The following KDM2B variants were observed in gnomAD, a reference collection of about 807,000 sequenced individuals.
KDM2B encodes the protein lysine demethylase 2B.
KDM2B carries 26 observed loss-of-function variants against 150.0 expected under a neutral mutation model. The ratio of observed to expected loss-of-function variants is 0.17; its 90% CI spans 0.13 to 0.24. KDM2B has a LOEUF of 0.24. Ranked by LOEUF, KDM2B falls within the 10% of genes least tolerant of loss-of-function variation. The pLI is 1.00. For synonymous variants in KDM2B, 734 were observed against 729.5 expected (o/e 1.01, Z -0.10); for missense variants, 1,265 against 1,816.9 (o/e 0.70, Z 5.52).
chr12:121,478,428 C>T (rs541957830), intron 12 of KDM2B, among the ~76,000 whole-genome samples: 3 of 149,368 alleles, frequency 2.0e-5, no homozygotes, highest in Non-Finnish European at 4.4e-5. Context: ...GGCGTGATCT[C>T]GGCTCACTGC....
intron 6 of KDM2B, chr12:121,536,283 T>C (rs1555308701): frequency 6.2e-6 from 1 of 160,418 alleles, no homozygotes; most frequent in East Asian, 1.9e-4. Context: ...GGAAGGAGCC[T>C]TAACCATGTG....
intron 11 of KDM2B, among the ~76,000 whole-genome samples, chr12:121,504,723 G>A (rs1158266308): frequency 2.6e-5 from 4 of 152,122 alleles, no homozygotes; most frequent in South Asian, 2.1e-4. Context: ...ATTGTTGGCC[G>A]GGGCGGTGGC....
chr12:121,546,015 T>G (rs1343561166), intron 6 of KDM2B, among the ~76,000 whole-genome samples: 2 of 152,158 alleles, frequency 1.3e-5, no homozygotes, highest in African/African-American at 4.8e-5. Flanking sequence ...CCACCTTGAC[T>G]GGGCGAATCT....
intron 21 of KDM2B, 73 bp downstream of exon 21, chr12:121,440,743 G>A (rs536624829): frequency 5.0e-6 from 7 of 1,388,552 alleles, no homozygotes; most frequent in Non-Finnish European, 6.9e-6. Flanking sequence ...GCTGGGGTCT[G>A]AGGGTAAAAG....
intron 4 of KDM2B, among the ~76,000 whole-genome samples, chr12:121,555,965 C>T (rs1220834680): frequency 6.6e-6 from 1 of 151,244 alleles, no homozygotes; most frequent in South Asian, 2.1e-4. Flanking sequence ...CTCACTCTCT[C>T]ACCTACACTG....
intron 8 of KDM2B, 63 bp downstream of exon 8, chr12:121,532,743 C>G (rs1428646617): frequency 1.9e-6 from 3 of 1,578,720 alleles, no homozygotes; most frequent in Non-Finnish European, 2.6e-6. Flanking sequence ...CTCAGGGGGC[C>G]TAAAACCCTG....
At chr12:121,538,190 G>A (rs1888317802) in intron 6 of KDM2B, among the ~76,000 whole-genome samples, 1 of 152,060 alleles carries the variant, frequency 6.6e-6, no homozygotes, top group Non-Finnish European at 1.5e-5. Flanking sequence ...CGGGGCGACC[G>A]GGAAGCAACG....
Position 121,442,868 on chromosome 12 carries a change from T to C in KDM2B, c.2605-32A>G, listed in dbSNP as rs369594854. 1.8e-5 allele frequency: 27 copies of C among 1,524,400 alleles called. No individual in the cohort carries two copies. Among genetic ancestry groups the C allele is most frequent in the Non-Finnish European group, 2.2e-5 (25 of 1,141,054 alleles). The allele number at this position is 1,524,400 out of a possible 1,614,324, so 94.4% of individuals were successfully genotyped here. ...GCGAGAGCGGAGACGCGTCAGCCTC[T>C]GGGGCTCAGGGCTGCGCCCGCCCAA... is the stretch of plus-strand genomic sequence containing the variant. On this transcript the variant is annotated intron_variant, in intron 18 of 22. Transcript: ENST00000377071. The surrounding 1 kb of genome is among the most constrained non-coding windows in gnomAD (Gnocchi z 7.7).
downstream of KDM2B, among the ~76,000 whole-genome samples, chr12:121,425,961 G>C (rs901956710): frequency 6.6e-6 from 1 of 152,024 alleles, no homozygotes; most frequent in Non-Finnish European, 1.5e-5. Flanking sequence ...TAGAGACGGG[G>C]TTTCACTGTG....
the KDM2B span, chr12:121,415,285 C>T: frequency 2.6e-6 from 1 of 382,228 alleles, no homozygotes; most frequent in Non-Finnish European, 5.6e-6. Flanking sequence ...ATATTATACC[C>T]AATTACAAAT....
intron 13 of KDM2B, among the ~76,000 whole-genome samples, chr12:121,447,294 G>C (rs1876441358): frequency 6.6e-6 from 1 of 151,658 alleles, no homozygotes; most frequent in South Asian, 2.1e-4. Flanking sequence ...TGTCACCCAG[G>C]CTGGAGTGCA....
intron 1 of KDM2B, 149 bp downstream of exon 1, chr12:121,580,637 G>C: frequency 7.8e-7 from 1 of 1,287,604 alleles, no homozygotes; most frequent in Non-Finnish European, 1.1e-6. Context: ...GGCCTCAGCG[G>C]GAGGCGCGGA....
chr12:121,564,518 A>C (rs1555314475), intron 4 of KDM2B, among the ~76,000 whole-genome samples: 1 of 152,156 alleles, frequency 6.6e-6, no homozygotes, highest in Non-Finnish European at 1.5e-5. Context: ...AAGAAGAAAC[A>C]AAACTGCTAT....
chr12:121,528,420 C>G (rs1887338385), intron 8 of KDM2B, among the ~76,000 whole-genome samples: 1 of 151,804 alleles, frequency 6.6e-6, no homozygotes, highest in Non-Finnish European at 1.5e-5. Flanking sequence ...TTAGCCGGGC[C>G]CGGTAGCGTA....
chr12:121,559,550 G>A (rs1321508295), intron 4 of KDM2B, among the ~76,000 whole-genome samples: 1 of 152,142 alleles, frequency 6.6e-6, no homozygotes, highest in Non-Finnish European at 1.5e-5. Flanking sequence ...AGCAACAGAG[G>A]GGACCAGGGA....
chr12:121,516,513 C>A, intron 9 of KDM2B: 2 of 1,407,296 alleles, frequency 1.4e-6, no homozygotes, highest in Non-Finnish European at 1.9e-6. Context: ...AAGGTTTCAG[C>A]CACATGCCTG....
At chr12:121,445,253 C>T in intron 14 of KDM2B, 22 bp downstream of exon 14, 11 of 1,610,900 alleles carry the variant, frequency 6.8e-6, no homozygotes, top group Non-Finnish European at 9.3e-6. Flanking sequence ...TCAGCACCAC[C>T]TGTCCCCACT....
intron 2 of KDM2B, among the ~76,000 whole-genome samples, chr12:121,577,136 C>T (rs1278041444): frequency 6.6e-6 from 1 of 152,162 alleles, no homozygotes; most frequent in Non-Finnish European, 1.5e-5. Context: ...GGGCCCTCCC[C>T]TTTGAAAGAA....
chr12:121,563,103 G>A (rs35226838), intron 4 of KDM2B, among the ~76,000 whole-genome samples: 2 of 151,708 alleles, frequency 1.3e-5, no homozygotes, highest in East Asian at 3.9e-4. Flanking sequence ...GGATCGCTTA[G>A]GCCCGTGAGT....
Sources: allele counts gnomAD v4.1 joint callset (sites outside exome capture counted in the v4.1 genomes callset), GRCh38; gene constraint gnomAD v4.1.1; non-coding constraint Gnocchi (gnomAD v3.1); transcripts MANE v1.5; gene names NCBI Gene and HGNC (gene_info 2026-07-23, HGNC 2026-07-21).